CEP63: variants seen among roughly 807,000 people sequenced by gnomAD.
CEP63 encodes the protein centrosomal protein 63, also known as centrosomal protein of 63 kDa.
In CEP63, 84 loss-of-function variants were observed where a neutral mutation model predicts 89.1. That is an observed-to-expected ratio of 0.94 (90% CI 0.79 to 1.13). The LOEUF (loss-of-function observed/expected upper bound fraction) is 1.13, where lower values mean the gene tolerates loss of function less well. Ranked by LOEUF, CEP63 falls within the 50% of genes most tolerant of loss-of-function variation. CEP63 has a pLI of 0.00. For missense variants in CEP63, 838 were observed against 813.3 expected (o/e 1.03, Z -0.37); for synonymous variants, 267 against 272.5 (o/e 0.98, Z 0.20).
At chr3:134,701,205 T>C in the CEP63 span, among the ~76,000 whole-genome samples, 5 of 8,958 alleles carry the variant, frequency 5.6e-4, no homozygotes, top group Non-Finnish European at 1.4e-3. Context: ...CACACATATA[T>C]ACGTATATAT....
the CEP63 span, among the ~76,000 whole-genome samples, chr3:134,749,705 C>CA: frequency 5.8e-3 from 288 of 49,382 alleles, 28 homozygotes; most frequent in African/African-American, 0.018. Flanking sequence ...AGGGGTTGTT[C>CA]AAAAAAAAAA....
chr3:134,497,063 A>G (rs1012992699), intron 2 of CEP63, among the ~76,000 whole-genome samples: 3 of 152,100 alleles, frequency 2.0e-5, no homozygotes, highest in Admixed American at 6.5e-5. Flanking sequence ...GGCCATTTGT[A>G]TGTCTTCTTT....
chr3:134,514,108 T>C (rs1364828181), intron 3 of CEP63, among the ~76,000 whole-genome samples: 2 of 152,138 alleles, frequency 1.3e-5, no homozygotes, highest in African/African-American at 4.8e-5. Flanking sequence ...ACAATGTTTA[T>C]TGCATTCAAG....
chr3:134,639,085 T>TTC, the CEP63 span, among the ~76,000 whole-genome samples: 1 of 151,226 alleles, frequency 6.6e-6, no homozygotes, highest in African/African-American at 2.4e-5. Context: ...TTTTTTTTTT[T>TTC]CCTGCAGTAG....
chr3:134,547,480 A>G lies in CEP63; in HGVS notation c.1067+8A>G. On this transcript the variant is annotated splice_region_variant and intron_variant, in intron 9 of 14. Coordinates refer to ENST00000675561, the MANE Select transcript of CEP63 (RefSeq NM_001353108.3). ...GACTTGTCTTGAAGGCAGGTACATAATTATACACACATTTCAAAAATTTCA... is the reference window on the plus strand; with the variant it reads ...GACTTGTCTTGAAGGCAGGTACATAGTTATACACACATTTCAAAAATTTCA... 1 of 1,612,094 alleles carries G rather than the reference A, an allele frequency of 6.2e-7. No individual in the cohort carries two copies. The highest frequency in any genetic ancestry group is 8.5e-7 in the Non-Finnish European group (1 of 1,178,332).
At chr3:134,566,281 G>T (rs976435193), downstream of CEP63, among the ~76,000 whole-genome samples, 1 of 152,004 alleles carries the variant, frequency 6.6e-6, no homozygotes, top group Admixed American at 6.6e-5. Context: ...ATAGGGGAAG[G>T]TCTAAAACTC....
At chr3:134,686,100 G>A in the CEP63 span, among the ~76,000 whole-genome samples, 15,232 of 152,242 alleles carry the variant, frequency 0.1, 951 homozygotes, top group Middle Eastern at 0.21. Context: ...GCTGCACAAG[G>A]GAAGAAGTGG....
chr3:134,650,987 G>C, the CEP63 span: 1 of 1,612,460 alleles, frequency 6.2e-7, no homozygotes, highest in Non-Finnish European at 8.5e-7. Flanking sequence ...CGACCTGGGC[G>C]CCGCGGCCGC....
rs1957630847 is a variant in CEP63 at position 134,564,508 on chromosome 3, A to G, written c.*2973A>G. The stretch of plus-strand genomic sequence containing the variant: ...CTTTGATTTCTGTCTTTCAGGGGCT[A>G]AGTCCTGCCTACATCCTCAGTCAGC... On this transcript the variant is annotated 3_prime_UTR_variant, in exon 15 of 15. Coordinates refer to ENST00000675561, the MANE Select transcript of CEP63 (RefSeq NM_001353108.3). The G allele has an allele frequency of 1.0e-6, 1 of 985,458 alleles. No individual in the cohort carries two copies. Among genetic ancestry groups the G allele is most frequent in the Non-Finnish European group, 1.2e-6 (1 of 829,954 alleles). The allele number at this position is 985,458 out of a possible 1,614,324, so 61.0% of individuals were successfully genotyped here. A position where few individuals can be genotyped will look rare whatever the true frequency, so the allele number is the denominator to read the frequency against.
chr3:134,485,969 G>C (rs948115819), upstream of CEP63: 4 of 971,640 alleles, frequency 4.1e-6, no homozygotes, highest in South Asian at 4.8e-5. Flanking sequence ...CGGCCACCGC[G>C]GCAGACGCTT....
At chr3:134,510,430 G>A (rs549683254) in intron 3 of CEP63, 1 of 259,782 alleles carries the variant, frequency 3.8e-6, no homozygotes, top group Non-Finnish European at 7.6e-6. Flanking sequence ...GGTATGGAGA[G>A]AACCGGAGTT....
chr3:134,512,625 C>G (rs1390519380), intron 3 of CEP63, among the ~76,000 whole-genome samples: 2 of 152,146 alleles, frequency 1.3e-5, no homozygotes, highest in African/African-American at 4.8e-5. Context: ...GGAGTAATTT[C>G]AAGCCTTTAA....
chr3:134,724,131 CCTCA>C, the CEP63 span, among the ~76,000 whole-genome samples: 1 of 152,172 alleles, frequency 6.6e-6, no homozygotes, highest in Non-Finnish European at 1.5e-5. Flanking sequence ...AATTCACGCC[CCTCA>C]CTCACAGGCC....
chr3:134,656,366 A>G, the CEP63 span, among the ~76,000 whole-genome samples: 8 of 152,286 alleles, frequency 5.3e-5, no homozygotes, highest in African/African-American at 1.2e-4. Flanking sequence ...GGTTGGTGCT[A>G]TGGTGCAGGG....
chr3:134,570,153 C>T (rs993279512), intron 11 of CEP63, among the ~76,000 whole-genome samples: 2 of 152,224 alleles, frequency 1.3e-5, no homozygotes, highest in Non-Finnish European at 2.9e-5. Flanking sequence ...CTGTGAAGAC[C>T]TCTGAAATGC....
At chr3:134,597,262 C>G in the CEP63 span, among the ~76,000 whole-genome samples, 1 of 152,180 alleles carries the variant, frequency 6.6e-6, no homozygotes, top group Non-Finnish European at 1.5e-5. Flanking sequence ...AAAGAAGCTG[C>G]CTTTCATCAA....
chr3:134,746,632 T>C, the CEP63 span, among the ~76,000 whole-genome samples: 1 of 152,194 alleles, frequency 6.6e-6, no homozygotes, highest in Admixed American at 6.5e-5. Context: ...TGTGAGATGG[T>C]AGGTATCTCA....
At chr3:134,513,514 A>C (rs1945481382) in intron 3 of CEP63, among the ~76,000 whole-genome samples, 1 of 152,150 alleles carries the variant, frequency 6.6e-6, no homozygotes, top group African/African-American at 2.4e-5. Context: ...TGCTATCAGG[A>C]TGGTGAACAA....
In CEP63 at chr3:134,550,163, A is replaced by G; in HGVS notation, c.1283A>G (p.Asp428Gly). 1.9e-6 allele frequency: 3 copies of G among 1,614,088 alleles called. No homozygotes were observed. Among genetic ancestry groups the G allele is most frequent in the Non-Finnish European group, 2.5e-6 (3 of 1,179,926 alleles). The change falls in exon 11 of 15, where the codon GAT becomes GGT. Residue 428 changes from aspartate to glycine, a missense_variant. Transcript: ENST00000675561. Reference protein sequence around the residue: ...SHLTQELHQRDITIASTKGSS... With the variant: ...SHLTQELHQRGITIASTKGSS... Reference sequence around the variant, plus strand: ...CTAACTCAGGAGTTACATCAGCGAGATATCACTATTGCTTCCACCAAAGGT... The same window carrying G: ...CTAACTCAGGAGTTACATCAGCGAGGTATCACTATTGCTTCCACCAAAGGT...
Sources: gnomAD v4.1 joint callset for allele counts (sites outside exome capture counted in the v4.1 genomes callset) on GRCh38, gnomAD v4.1.1 for gene constraint, MANE v1.5 for transcripts, NCBI Gene and HGNC (gene_info 2026-07-23, HGNC 2026-07-21) for gene names.